ZNF536: variants seen among roughly 807,000 people sequenced by gnomAD.
ZNF536 encodes the protein zinc finger protein 536.
Under a neutral mutation model 84.5 loss-of-function variants are expected in ZNF536, and 13 were observed. The observed-to-expected ratio is 0.15, with a 90% CI of 0.10 to 0.24. The LOEUF is 0.24. Ranked by LOEUF, ZNF536 falls within the 10% of genes least tolerant of loss-of-function variation. The pLI is 1.00. For missense variants in ZNF536, 1,536 were observed against 1,747.5 expected (o/e 0.88, Z 2.16); for synonymous variants, 811 against 742.5 (o/e 1.09, Z -1.50).
chr19:30,297,788 G>C (rs749944304), intron 2 of ZNF536, among the ~76,000 whole-genome samples: 4 of 152,078 alleles, frequency 2.6e-5, no homozygotes. Context: ...CATGTGTATA[G>C]CATGGGAGCT....
chr19:30,390,804 C>T (rs2049555548), intron 1 of ZNF536, among the ~76,000 whole-genome samples: 1 of 152,124 alleles, frequency 6.6e-6, no homozygotes, highest in Admixed American at 6.5e-5. Context: ...ACCGCCAGCC[C>T]CCGCCCCCAT....
At chr19:30,476,465 T>G (rs1379152440) in intron 2 of ZNF536, among the ~76,000 whole-genome samples, 2 of 152,232 alleles carry the variant, frequency 1.3e-5, no homozygotes, top group African/African-American at 4.8e-5. Flanking sequence ...GTCACTGGGT[T>G]GTGGACACAC....
intron 2 of ZNF536, among the ~76,000 whole-genome samples, chr19:30,533,439 G>A (rs1356916697): frequency 2.6e-5 from 4 of 151,900 alleles, no homozygotes. Context: ...AGGATCCCTT[G>A]TGCCCAGGAG....
Position 30,548,537 on chromosome 19 carries a change from A to G in ZNF536, c.2918A>G (p.Tyr973Cys), listed in dbSNP as rs1416025392. The change falls in exon 4 of 5, where the codon TAT becomes TGT. Residue 973 changes from tyrosine to cysteine, a missense_variant. This residue lies in a region of ZNF536 where 624 missense variants were observed against 603.1 expected (regional missense o/e 1.03). Transcript: ENST00000355537. ...CAGAGGAAGTCCGAGAAATCTCAGT[A>G]TGAACCCCTGGACTTGTCTGTGCGG... ...SSQRKSEKSQ[Y>C]EPLDLSVRPD... 17 of 1,614,126 alleles carry G rather than the reference A, an allele frequency of 1.1e-5. No individual in the cohort carries two copies. Among genetic ancestry groups the G allele is most frequent in the Non-Finnish European group, 1.4e-5 (16 of 1,180,030 alleles).
chr19:30,562,739 C>T (rs1056677828), downstream of ZNF536, among the ~76,000 whole-genome samples: 10 of 151,954 alleles, frequency 6.6e-5, no homozygotes, highest in African/African-American at 1.5e-4. Context: ...ACCCAGGCAC[C>T]GAGAGATACG....
At chr19:30,654,934 T>A (rs1275592833) in intron 1 of ZNF536, among the ~76,000 whole-genome samples, 1 of 152,102 alleles carries the variant, frequency 6.6e-6, no homozygotes, top group Non-Finnish European at 1.5e-5. Flanking sequence ...AATTTTTATT[T>A]CTGAATGCTG....
intron 1 of ZNF536, among the ~76,000 whole-genome samples, chr19:30,701,222 AACAC>A (rs1204548596): frequency 6.9e-6 from 1 of 144,802 alleles, no homozygotes; most frequent in Non-Finnish European, 1.5e-5. Flanking sequence ...CACACACGCA[AACAC>A]ACACAGACAC....
At chr19:30,340,603 T>C (rs1279547420) in intron 2 of ZNF536, among the ~76,000 whole-genome samples, 1 of 152,188 alleles carries the variant, frequency 6.6e-6, no homozygotes, top group Non-Finnish European at 1.5e-5. Context: ...TCCCCGTGGA[T>C]CAGGGCTCAG....
intron 1 of ZNF536, among the ~76,000 whole-genome samples, chr19:30,652,056 G>T (rs2049727611): frequency 6.6e-6 from 1 of 152,114 alleles, no homozygotes; most frequent in South Asian, 2.1e-4. Context: ...GTTTACCAAG[G>T]CCAGGCCAGA....
intron 2 of ZNF536, among the ~76,000 whole-genome samples, chr19:30,324,273 A>G (rs2046952437): frequency 6.6e-6 from 1 of 152,096 alleles, no homozygotes; most frequent in Non-Finnish European, 1.5e-5. Flanking sequence ...TCCATCAATC[A>G]TCCATCATCA....
At chr19:30,691,178 T>C (rs1331221759) in intron 1 of ZNF536, among the ~76,000 whole-genome samples, 59 of 152,300 alleles carry the variant, frequency 3.9e-4, no homozygotes, top group Non-Finnish European at 5.9e-5. Flanking sequence ...ACCAGCTGGC[T>C]GAGCCGGCAG....
chr19:30,539,575 T>C (rs8104930), intron 3 of ZNF536, among the ~76,000 whole-genome samples: 8,250 of 152,274 alleles, frequency 0.054, 355 homozygotes, highest in South Asian at 0.12. Flanking sequence ...TAACATGCAA[T>C]GGGGAGGGCG....
At chr19:30,276,473 A>C (rs1242389349) in intron 1 of ZNF536, among the ~76,000 whole-genome samples, 1 of 152,212 alleles carries the variant, frequency 6.6e-6, no homozygotes, top group African/African-American at 2.4e-5. Context: ...TAAGAGAACA[A>C]AATGCTCAGC....
chr19:30,583,619 C>T (rs2046997942), intron 1 of ZNF536, among the ~76,000 whole-genome samples: 1 of 152,138 alleles, frequency 6.6e-6, no homozygotes, highest in Non-Finnish European at 1.5e-5. Context: ...ACCCCTAGCC[C>T]CTGAGTGTCA....
Position 30,444,241 on chromosome 19 carries a change from C to G in ZNF536, c.679C>G (p.Pro227Ala). ...LLQPRPDLKP[P>A]PHAQQAPLAA... is the part of the protein sequence containing the mutation. ...GCAGCCCCGGCCGGACCTGAAGCCCCCGCCGCACGCCCAGCAGGCCCCGCT... is the reference window on the plus strand; with the variant it reads ...GCAGCCCCGGCCGGACCTGAAGCCCGCGCCGCACGCCCAGCAGGCCCCGCT... Residue 227 changes from proline to alanine, a missense_variant, in exon 2 of 5, where the codon CCG becomes GCG. This residue lies in a region of ZNF536 where 138 missense variants were observed against 136.8 expected (regional missense o/e 1.01). Coordinates refer to ENST00000355537, the MANE Select transcript of ZNF536 (RefSeq NM_014717.3). The G allele has an allele frequency of 6.5e-7, 1 of 1,545,168 alleles. No homozygotes were observed. Among genetic ancestry groups the G allele is most frequent in the South Asian group, 1.2e-5 (1 of 85,334 alleles).
intron 1 of ZNF536, among the ~76,000 whole-genome samples, chr19:30,240,273 T>C (rs528222562): frequency 6.6e-6 from 1 of 151,774 alleles, no homozygotes; most frequent in South Asian, 2.1e-4. Flanking sequence ...CTTGGGAGGC[T>C]GGGGCAGGAG....
chr19:30,358,108 G>A (rs138478842), intron 3 of ZNF536, among the ~76,000 whole-genome samples: 1 of 152,162 alleles, frequency 6.6e-6, no homozygotes, highest in African/African-American at 2.4e-5. Context: ...CCCTTGGGCA[G>A]TGCAGGTATT....
chr19:30,703,597 C>A (rs1320123189), intron 1 of ZNF536, among the ~76,000 whole-genome samples: 3 of 152,156 alleles, frequency 2.0e-5, no homozygotes, highest in Non-Finnish European at 2.9e-5. Context: ...AGAGACAGTC[C>A]CTTAAGCTTT....
chr19:30,485,703 G>GC (rs1207386960), intron 2 of ZNF536, among the ~76,000 whole-genome samples: 1 of 133,936 alleles, frequency 7.5e-6, no homozygotes, highest in African/African-American at 3.6e-5. Context: ...CGGTGGGGTG[G>GC]GGGGAAACAT....
Sources: gnomAD v4.1 joint callset for allele counts (sites outside exome capture counted in the v4.1 genomes callset) on GRCh38, gnomAD v4.1.1 for gene constraint, gnomAD v4.1.1 regional missense constraint, MANE v1.5 for transcripts, NCBI Gene and HGNC (gene_info 2026-07-23, HGNC 2026-07-21) for gene names.